UNC5D: variants seen among roughly 807,000 people sequenced by gnomAD.
UNC5D encodes unc-5 netrin receptor D.
Under a neutral mutation model 105.4 loss-of-function variants are expected in UNC5D, and 39 were observed. The ratio of observed to expected loss-of-function variants is 0.37; its 90% CI spans 0.29 to 0.48. The LOEUF is 0.48. Among genes scored for constraint, UNC5D ranks in the 20% least tolerant of loss-of-function variants. The probability of loss-of-function intolerance (pLI) is 0.98; values close to 1 mark genes in which losing one functional copy is unlikely to be tolerated. For missense variants in UNC5D, 991 were observed against 1,202.4 expected (o/e 0.82, Z 2.60); for synonymous variants, 452 against 450.4 (o/e 1.00, Z -0.04).
chr8:35,256,724 G>A (rs3108624), intron 1 of UNC5D: 134,487 of 152,134 alleles, frequency 0.88, 59,569 homozygotes, highest in East Asian at 1. Flanking sequence ...GTGCTGTCCT[G>A]GTATCATATC....
At chr8:35,417,646 G>T (rs901311655) in intron 1 of UNC5D, among the ~76,000 whole-genome samples, 5 of 151,878 alleles carry the variant, frequency 3.3e-5, no homozygotes, top group African/African-American at 1.2e-4. Context: ...CACAAGTCTA[G>T]GTGTTACACC....
intron 8 of UNC5D, among the ~76,000 whole-genome samples, chr8:35,720,113 C>T (rs1828494502): frequency 6.6e-6 from 1 of 152,222 alleles, no homozygotes; most frequent in South Asian, 2.1e-4. Context: ...ACATAAAAGA[C>T]AAAATGGCAA....
chr8:35,441,392 A>G (rs1263067087), intron 1 of UNC5D, among the ~76,000 whole-genome samples: 1 of 151,882 alleles, frequency 6.6e-6, no homozygotes, highest in Non-Finnish European at 1.5e-5. Flanking sequence ...ATCACACTTC[A>G]TTATAGGTAT....
intron 1 of UNC5D, among the ~76,000 whole-genome samples, chr8:35,314,685 A>G (rs962254720): frequency 6.6e-6 from 1 of 152,212 alleles, no homozygotes; most frequent in African/African-American, 2.4e-5. Flanking sequence ...TGTTTTGGAG[A>G]GTCAACTCTT....
chr8:35,765,536 C>T (rs77549086), intron 14 of UNC5D, among the ~76,000 whole-genome samples: 1,546 of 152,308 alleles, frequency 0.01, 17 homozygotes, highest in Middle Eastern at 0.027. Context: ...AGCTGGCTTT[C>T]CTCTCTTCAA....
intron 1 of UNC5D, among the ~76,000 whole-genome samples, chr8:35,319,347 A>T (rs1425559323): frequency 4.6e-5 from 7 of 152,282 alleles, no homozygotes; most frequent in Non-Finnish European, 7.4e-5. Flanking sequence ...TGTTAGAAAT[A>T]GACCACATTT....
intron 1 of UNC5D, among the ~76,000 whole-genome samples, chr8:35,326,003 ATTCT>A (rs1192033660): frequency 4.6e-5 from 7 of 152,216 alleles, no homozygotes; most frequent in Non-Finnish European, 5.9e-5. Context: ...TATTCTTTAA[ATTCT>A]TTATTTTGTT....
intron 1 of UNC5D, among the ~76,000 whole-genome samples, chr8:35,481,000 C>T (rs1810447618): frequency 6.6e-6 from 1 of 152,086 alleles, no homozygotes; most frequent in African/African-American, 2.4e-5. Context: ...GTCTAAACAT[C>T]TGCAGTTTGT....
intron 11 of UNC5D, among the ~76,000 whole-genome samples, chr8:35,732,141 A>G (rs914258508): frequency 6.6e-5 from 10 of 152,218 alleles, no homozygotes; most frequent in African/African-American, 1.9e-4. Context: ...TGTTGTTAGC[A>G]AAGAACACAT....
chr8:35,345,825 C>T (rs1205614606), intron 1 of UNC5D, among the ~76,000 whole-genome samples: 1 of 151,836 alleles, frequency 6.6e-6, no homozygotes, highest in African/African-American at 2.4e-5. Context: ...TTTTATGATT[C>T]CAATACAGAC....
intron 4 of UNC5D, among the ~76,000 whole-genome samples, chr8:35,668,935 C>T (rs1342446515): frequency 1.3e-5 from 2 of 151,888 alleles, no homozygotes; most frequent in African/African-American, 4.8e-5. Flanking sequence ...TGTCTGTTAC[C>T]TTATGATCAG....
intron 1 of UNC5D, among the ~76,000 whole-genome samples, chr8:35,264,745 A>T (rs1291965029): frequency 6.7e-6 from 1 of 150,338 alleles, no homozygotes; most frequent in Non-Finnish European, 1.5e-5. Context: ...AAAAAAAAAA[A>T]AAAAAAAAGA....
At chr8:35,426,129 G>A (rs961116673) in intron 1 of UNC5D, among the ~76,000 whole-genome samples, 11 of 152,014 alleles carry the variant, frequency 7.2e-5, no homozygotes, top group Admixed American at 5.2e-4. Context: ...ATAGGATACC[G>A]AGACATAAGA....
chr8:35,748,389 C>A, intron 11 of UNC5D, 138 bp from the exon 12 acceptor site: 1 of 851,450 alleles, frequency 1.2e-6, no homozygotes, highest in Non-Finnish European at 1.7e-6. Context: ...TTCTCCAGAC[C>A]AGTCCTTTGT....
At chr8:35,250,320 G>C (rs910136207) in intron 1 of UNC5D, among the ~76,000 whole-genome samples, 1 of 151,994 alleles carries the variant, frequency 6.6e-6, no homozygotes, top group African/African-American at 2.4e-5. Context: ...TTCCCAATTT[G>C]GGAACTTAAG....
Position 35,251,062 on chromosome 8 carries a change from C to T in UNC5D, c.103+15175C>T, listed in dbSNP as rs182475067. ...TTGAAGATTCCTATAATGACAAAAG[C>T]ATAAGGTATGAAGATGACCGCCAAT... On this transcript the variant is annotated intron_variant, in intron 1 of 16. Coordinates refer to ENST00000404895, the MANE Select transcript of UNC5D (RefSeq NM_080872.4). 4.1e-4 allele frequency among the ~76,000 whole-genome samples: 63 copies of T among 152,252 alleles called. 1 individual carries two copies. The highest frequency in any genetic ancestry group is 1.5e-3 in the African/African-American group (61 of 41,548).
At chr8:35,424,779 T>C (rs1806133223) in intron 1 of UNC5D, among the ~76,000 whole-genome samples, 1 of 152,226 alleles carries the variant, frequency 6.6e-6, no homozygotes, top group South Asian at 2.1e-4. Flanking sequence ...CTCTTATTCT[T>C]ACCTTCTCCA....
intron 1 of UNC5D, among the ~76,000 whole-genome samples, chr8:35,487,582 C>A (rs890198194): frequency 6.6e-6 from 1 of 151,622 alleles, no homozygotes. Flanking sequence ...CACACACACA[C>A]ACACACACAC....
chr8:35,683,718 G>A lies in UNC5D; in HGVS notation c.742G>A (p.Val248Met). Residue 248 changes from valine to methionine, a missense_variant, in exon 5 of 17, where the codon GTG becomes ATG. Coordinates refer to ENST00000404895, the MANE Select transcript of UNC5D (RefSeq NM_080872.4). ...GAGGAGAAGCCTGTCGGCCACTGTTGTGGTCTACGGTAAGACCATTCCAAA... is the reference window on the plus strand; with the variant it reads ...GAGGAGAAGCCTGTCGGCCACTGTTATGGTCTACGGTAAGACCATTCCAAA... ...AKRRSLSATV[V>M]VYVNGGWSSW... 1 of 1,538,928 alleles carries A rather than the reference G, an allele frequency of 6.5e-7. No individual in the cohort carries two copies. The highest frequency in any genetic ancestry group is 8.7e-7 in the Non-Finnish European group (1 of 1,151,910).
Sources: gnomAD v4.1 joint callset for allele counts (sites outside exome capture counted in the v4.1 genomes callset) on GRCh38, gnomAD v4.1.1 for gene constraint, MANE v1.5 for transcripts, NCBI Gene and HGNC (gene_info 2026-07-23, HGNC 2026-07-21) for gene names.